Variants in ZNF37A observed in about 807,000 individuals in gnomAD.
ZNF37A encodes the protein zinc finger protein 37a (KOX 21).
A neutral mutation model predicts 12.3 loss-of-function variants in ZNF37A; 10 were observed. The ratio of observed to expected loss-of-function variants is 0.82; its 90% CI spans 0.50 to 1.38. The LOEUF is 1.38. Among genes scored for constraint, ZNF37A ranks in the 40% most tolerant of loss-of-function variants. ZNF37A has a pLI of 0.00. For missense variants in ZNF37A, 580 were observed against 651.2 expected (o/e 0.89, Z 1.19); for synonymous variants, 207 against 223.0 (o/e 0.93, Z 0.64).
intron 5 of ZNF37A, among the ~76,000 whole-genome samples, chr10:38,103,194 C>T (rs2021649): frequency 0.41 from 62,525 of 151,854 alleles, 13,060 homozygotes; most frequent in East Asian, 0.5. Context: ...GATGTTGTCT[C>T]TTGGATCTCT....
At chr10:38,098,850 A>G (rs1402748526) in intron 5 of ZNF37A, among the ~76,000 whole-genome samples, 3 of 151,976 alleles carry the variant, frequency 2.0e-5, no homozygotes, top group Non-Finnish European at 4.4e-5. Flanking sequence ...TTTAAATGCT[A>G]TTATAAGTGG....
chr10:38,142,205 G>C (rs566039615), intron 7 of ZNF37A: 30 of 152,326 alleles, frequency 2.0e-4, no homozygotes, highest in African/African-American at 5.3e-4. Context: ...GTTTCTAGCA[G>C]AGCAGAATGC....
At chr10:38,112,653 A>G (rs925778246) in intron 5 of ZNF37A, among the ~76,000 whole-genome samples, 2 of 146,260 alleles carry the variant, frequency 1.4e-5, no homozygotes, top group African/African-American at 5.1e-5. Context: ...TTTATTATCT[A>G]TTTTTCCAGT....
chr10:38,142,520 C>T (rs1440825640), intron 7 of ZNF37A: 4 of 152,122 alleles, frequency 2.6e-5, no homozygotes, highest in East Asian at 1.9e-4. Flanking sequence ...TGGTGGACCC[C>T]GCAAGCTTGC....
At position 38,117,688 on chromosome 10, in the gene ZNF37A, T is replaced by C. The variant is rs778961243; in HGVS notation, c.537T>C (p.His179=). 2 of 1,613,936 alleles carry C rather than the reference T, an allele frequency of 1.2e-6. No individual in the cohort carries two copies. The highest frequency in any genetic ancestry group is 1.3e-5 in the African/African-American group (1 of 75,004). Reference sequence around the variant, plus strand: ...AGAAAACCTGCAAATATACTGAACATGGGAAAACCTGTGATATGTCATTTT... The same window carrying C: ...AGAAAACCTGCAAATATACTGAACACGGGAAAACCTGTGATATGTCATTTT... The part of the protein sequence containing the change: ...TGQKTCKYTE[H]GKTCDMSFFI... Residue 179 remains histidine, a synonymous_variant, in exon 8 of 8, where the codon CAT becomes CAC. Transcript: ENST00000685332.
intron 7 of ZNF37A, among the ~76,000 whole-genome samples, chr10:38,135,743 G>A (rs185791080): frequency 1.1e-4 from 17 of 152,262 alleles, no homozygotes; most frequent in Admixed American, 9.8e-4. Context: ...AGGCGGCAGG[G>A]GAGAGAATGA....
chr10:38,115,184 C>T lies in ZNF37A; in HGVS notation c.143-11C>T, dbSNP rs146660315. The T allele has an allele frequency of 0.016, 25,011 of 1,608,036 alleles. 251 individuals carry two copies. Among genetic ancestry groups the T allele is most frequent in the Non-Finnish European group, 0.017 (20,037 of 1,176,564 alleles). ...CCAGTTTGTCCCAAGTAATACAATT[C>T]TCATTCACAGGGTATTGCATTCCTA... On this transcript the variant is annotated splice_polypyrimidine_tract_variant and intron_variant, in intron 6 of 7. Transcript: ENST00000685332.
Position 38,118,517 on chromosome 10 carries a change from G to C in ZNF37A, c.1366G>C (p.Glu456Gln). 3 of 1,613,476 alleles carry C rather than the reference G, an allele frequency of 1.9e-6. No homozygotes were observed. The Admixed American group carries it at 5.0e-5, about 27-fold the overall frequency. ...TTTCTGCTACTACTCCGGTTTCACAGAACATCTGAGAAGACACACAGGGGA... is the reference window on the plus strand; with the variant it reads ...TTTCTGCTACTACTCCGGTTTCACACAACATCTGAGAAGACACACAGGGGA... The part of the protein sequence containing the change: ...KFFCYYSGFT[E>Q]HLRRHTGEKP... Residue 456 changes from glutamate (E) to glutamine (Q), a missense_variant, in exon 8 of 8, where the codon GAA (glutamate) becomes CAA (glutamine). Coordinates refer to ENST00000685332, the MANE Select transcript of ZNF37A (RefSeq NM_001324250.3).
At chr10:38,102,624 T>C (rs956186975) in intron 5 of ZNF37A, among the ~76,000 whole-genome samples, 1 of 152,216 alleles carries the variant, frequency 6.6e-6, no homozygotes, top group Admixed American at 6.5e-5. Flanking sequence ...TGCATTTACT[T>C]ACAGTAGTTA....
At chr10:38,114,979 G>A (rs2069130577) in intron 6 of ZNF37A, 98 bp downstream of exon 6, 2 of 1,463,896 alleles carry the variant, frequency 1.4e-6, no homozygotes, top group Admixed American at 2.3e-5. Context: ...TAATATTTAG[G>A]TTTGAGATTC....
At chr10:38,128,747 C>A (rs17664698), downstream of ZNF37A, among the ~76,000 whole-genome samples, 6,441 of 152,202 alleles carry the variant, frequency 0.042, 191 homozygotes, top group Non-Finnish European at 0.06. Flanking sequence ...AAGTGTTCTA[C>A]TCTCATTCAA....
At position 38,123,745 on chromosome 10, in the gene ZNF37A, A is replaced by G. The variant is rs2069846283; in HGVS notation, c.*4908A>G. On this transcript the variant is annotated 3_prime_UTR_variant, in exon 8 of 8. Coordinates refer to ENST00000685332, the MANE Select transcript of ZNF37A (RefSeq NM_001324250.3). The stretch of plus-strand genomic sequence containing the variant: ...ACAGGCATATGAAAAGGTACTCAAC[A>G]TCATTGATCCATTAGAGAAATGCAA... The G allele has an allele frequency of 6.6e-6, 1 of 152,262 alleles. No homozygotes were observed. The allele number at this position is 152,262 out of a possible 1,614,324, so 9.4% of individuals were successfully genotyped here.
downstream of ZNF37A, chr10:38,124,815 G>A (rs555277410): frequency 3.9e-5 from 6 of 152,234 alleles, no homozygotes; most frequent in Admixed American, 2.0e-4. Flanking sequence ...TTAATTAAAC[G>A]CCACCTGAAT....
In ZNF37A at chr10:38,114,770, A is replaced by G; in HGVS notation, c.31A>G (p.Arg11Gly). The change falls in exon 6 of 8, where the codon AGG (arginine) becomes GGG (glycine). Residue 11 changes from arginine (R) to glycine (G), a missense_variant. Transcript: ENST00000685332. MITSQGSVSF[R>G]DVTVGFTQEE... ...GATTTTCCAGGGATCAGTGTCGTTTAGGGATGTGACTGTGGGCTTCACTCA... is the reference window on the plus strand; with the variant it reads ...GATTTTCCAGGGATCAGTGTCGTTTGGGGATGTGACTGTGGGCTTCACTCA... The G allele has an allele frequency of 6.2e-7, 1 of 1,613,962 alleles. No individual in the cohort carries two copies. The highest frequency in any genetic ancestry group is 8.5e-7 in the Non-Finnish European group (1 of 1,179,934).
intron 5 of ZNF37A, among the ~76,000 whole-genome samples, chr10:38,107,575 G>A (rs2068220317): frequency 6.6e-6 from 1 of 152,156 alleles, no homozygotes; most frequent in Non-Finnish European, 1.5e-5. Context: ...TGGATAAAAA[G>A]TCAACATCCA....
intron 7 of ZNF37A, among the ~76,000 whole-genome samples, chr10:38,136,620 G>A (rs1348301783): frequency 6.6e-6 from 1 of 152,132 alleles, no homozygotes; most frequent in Non-Finnish European, 1.5e-5. Context: ...ATGTATCATA[G>A]TATGAGTATT....
intron 5 of ZNF37A, among the ~76,000 whole-genome samples, chr10:38,108,346 A>G (rs952314834): frequency 6.6e-6 from 1 of 152,240 alleles, no homozygotes; most frequent in Non-Finnish European, 1.5e-5. Flanking sequence ...ACACATTTAA[A>G]GCAGTGTCTA....
exon 8 of ZNF37A, chr10:38,149,660 C>T (rs141968977): frequency 0.043 from 6,349 of 148,296 alleles, 192 homozygotes; most frequent in Non-Finnish European, 0.061. Context: ...CTGCAAGCTC[C>T]GCCTCCTGGG....
chr10:38,130,137 C>T (rs941243417), downstream of ZNF37A, among the ~76,000 whole-genome samples: 40 of 152,108 alleles, frequency 2.6e-4, 1 homozygote, highest in Admixed American at 9.8e-4. Flanking sequence ...AGATATGTGT[C>T]GCTCTATGTC....
Sources: allele counts gnomAD v4.1 joint callset (sites outside exome capture counted in the v4.1 genomes callset), GRCh38; gene constraint gnomAD v4.1.1; transcripts MANE v1.5; gene names NCBI Gene and HGNC (gene_info 2026-07-23, HGNC 2026-07-21).